CA8: variants seen among roughly 807,000 people sequenced by gnomAD.
CA8 encodes the protein carbonic anhydrase-related protein.
Under a neutral mutation model 41.4 loss-of-function variants are expected in CA8, and 22 were observed. The ratio of observed to expected loss-of-function variants is 0.53; its 90% CI spans 0.38 to 0.76. CA8 has a LOEUF of 0.76. Ranked by LOEUF, CA8 falls within the 30% of genes least tolerant of loss-of-function variation. The pLI is 0.00. For synonymous variants in CA8, 121 were observed against 130.6 expected (o/e 0.93, Z 0.50); for missense variants, 270 against 352.8 (o/e 0.77, Z 1.88).
intron 2 of CA8, among the ~76,000 whole-genome samples, chr8:60,273,852 C>T (rs898143469): frequency 2.0e-5 from 3 of 152,164 alleles, no homozygotes; most frequent in African/African-American, 4.8e-5. Context: ...GGGGCTCATG[C>T]CCCTGAAAAC....
intron 3 of CA8, among the ~76,000 whole-genome samples, chr8:60,237,081 T>C (rs1186072434): frequency 1.3e-5 from 2 of 152,206 alleles, no homozygotes; most frequent in African/African-American, 2.4e-5. Context: ...GCGGCAACCC[T>C]GTGCACTTCT....
At chr8:60,224,620 G>A (rs2130473151) in intron 5 of CA8, 35 bp from the exon 6 acceptor site, 1 of 1,238,810 alleles carries the variant, frequency 8.1e-7, no homozygotes, top group Non-Finnish European at 1.2e-6. Context: ...CAATGTTAAT[G>A]TAATATTTCT....
intron 3 of CA8, among the ~76,000 whole-genome samples, chr8:60,247,015 C>A (rs372708452): frequency 3.3e-5 from 5 of 151,144 alleles, no homozygotes; most frequent in Admixed American, 3.3e-4. Flanking sequence ...TCCCGAGTAG[C>A]TGGGACTACA....
chr8:60,280,929 G>C, intron 1 of CA8, 119 bp downstream of exon 1: 2 of 745,534 alleles, frequency 2.7e-6, no homozygotes, highest in Non-Finnish European at 4.7e-6. Context: ...GACCCCCGTG[G>C]GAAAGAGGGG....
chr8:60,277,324 C>T (rs1381209278), intron 2 of CA8, among the ~76,000 whole-genome samples: 1 of 151,194 alleles, frequency 6.6e-6, no homozygotes, highest in Non-Finnish European at 1.5e-5. Flanking sequence ...TAACCACAGG[C>T]AGAAAGAACC....
At chr8:60,271,096 T>G (rs1804056299) in intron 2 of CA8, among the ~76,000 whole-genome samples, 1 of 152,114 alleles carries the variant, frequency 6.6e-6, no homozygotes, top group Admixed American at 6.5e-5. Context: ...TAATCCCGGT[T>G]CTAAGGGAAG....
At chr8:60,206,780 A>G (rs1025309645) in intron 8 of CA8, among the ~76,000 whole-genome samples, 2 of 152,084 alleles carry the variant, frequency 1.3e-5, no homozygotes, top group African/African-American at 4.8e-5. Context: ...TCCTCTCAGC[A>G]AAAGCCAGTC....
In CA8 at chr8:60,186,974, C is replaced by T. The variant is rs777866883; in HGVS notation, c.*3047G>A. On this transcript the variant is annotated 3_prime_UTR_variant, in exon 9 of 9. Coordinates refer to ENST00000317995, the MANE Select transcript of CA8 (RefSeq NM_004056.6). The stretch of plus-strand genomic sequence containing the variant: ...AGACTTGAACAACACAACAGGCCAA[C>T]ACTATAGACCTAACAGCCATCTATC... Among the ~76,000 whole-genome samples, 4 of 152,152 alleles carry T rather than the reference C, an allele frequency of 2.6e-5. No homozygotes were observed. Among genetic ancestry groups the T allele is most frequent in the East Asian group, 1.9e-4 (1 of 5,186 alleles).
chr8:60,264,390 C>T (rs7836637), intron 3 of CA8, among the ~76,000 whole-genome samples: 1,548 of 152,324 alleles, frequency 0.01, 24 homozygotes, highest in African/African-American at 0.035. Context: ...AGGGCAAAGG[C>T]GCTGACAGTC....
intron 7 of CA8, among the ~76,000 whole-genome samples, chr8:60,210,577 A>T (rs11998465): frequency 6.6e-6 from 1 of 151,544 alleles, no homozygotes; most frequent in Non-Finnish European, 1.5e-5. Flanking sequence ...CGGATAGTTC[A>T]ATTAGAATCC....
intron 3 of CA8, among the ~76,000 whole-genome samples, chr8:60,264,643 C>G (rs1803843650): frequency 6.6e-6 from 1 of 152,222 alleles, no homozygotes. Flanking sequence ...CCTTCCCCAT[C>G]AAGGCCTTTG....
chr8:60,209,551 G>C (rs887511818), intron 7 of CA8, among the ~76,000 whole-genome samples: 1 of 152,168 alleles, frequency 6.6e-6, no homozygotes, highest in Non-Finnish European at 1.5e-5. Flanking sequence ...ATAAGAAAAA[G>C]TGAACAAATG....
At chr8:60,208,997 A>C in intron 7 of CA8, 78 bp from the exon 8 acceptor site, 1 of 1,389,574 alleles carries the variant, frequency 7.2e-7, no homozygotes, top group Non-Finnish European at 1.0e-6. Flanking sequence ...AATGACATGC[A>C]TAAAATATGT....
chr8:60,246,941 T>A (rs2130538756), intron 3 of CA8, among the ~76,000 whole-genome samples: 1 of 140,006 alleles, frequency 7.1e-6, no homozygotes, highest in East Asian at 2.1e-4. Context: ...TGGAGTTCAG[T>A]GGCGCGATCT....
chr8:60,190,516 T>C (rs1235541983), intron 8 of CA8, among the ~76,000 whole-genome samples: 1 of 145,072 alleles, frequency 6.9e-6, no homozygotes, highest in Non-Finnish European at 1.5e-5. Context: ...AATGTGCTTC[T>C]CATATAGGAA....
chr8:60,271,216 C>T (rs544845225), intron 2 of CA8, among the ~76,000 whole-genome samples: 47 of 152,114 alleles, frequency 3.1e-4, no homozygotes, highest in African/African-American at 8.7e-4. Flanking sequence ...TGGTGGCAGG[C>T]CTGTAGTCCC....
At chr8:60,262,126 T>G (rs1021831380) in intron 3 of CA8, among the ~76,000 whole-genome samples, 1 of 152,090 alleles carries the variant, frequency 6.6e-6, no homozygotes, top group African/African-American at 2.4e-5. Flanking sequence ...TTACCAAAAA[T>G]TACACAGTCC....
chr8:60,194,090 T>C (rs917383740), intron 8 of CA8, among the ~76,000 whole-genome samples: 14 of 152,300 alleles, frequency 9.2e-5, no homozygotes, highest in Non-Finnish European at 1.5e-4. Flanking sequence ...GTTTTCTAAA[T>C]ATTCCTTTCT....
chr8:60,213,250 G>A (rs936030536), intron 7 of CA8, among the ~76,000 whole-genome samples: 94 of 152,174 alleles, frequency 6.2e-4, no homozygotes, highest in African/African-American at 2.1e-3. Flanking sequence ...TGGTAACACC[G>A]ACGTCAACGG....
Sources: allele counts gnomAD v4.1 joint callset (sites outside exome capture counted in the v4.1 genomes callset), GRCh38; gene constraint gnomAD v4.1.1; transcripts MANE v1.5; gene names NCBI Gene and HGNC (gene_info 2026-07-23, HGNC 2026-07-21).